RNF17: variants seen among roughly 807,000 people sequenced by gnomAD.
RNF17 encodes the protein ring finger protein 17, also known as spermatogenesis associated 23.
In RNF17, 31 loss-of-function variants were observed where a neutral mutation model predicts 200.5. The observed-to-expected ratio is 0.15, with a 90% CI of 0.12 to 0.21. The LOEUF (loss-of-function observed/expected upper bound fraction) is 0.21, where lower values mean the gene tolerates loss of function less well. Among genes scored for constraint, RNF17 ranks in the 10% least tolerant of loss-of-function variants. RNF17 has a pLI of 1.00. For synonymous variants in RNF17, 606 were observed against 637.8 expected (o/e 0.95, Z 0.75); for missense variants, 1,628 against 1,905.1 (o/e 0.85, Z 2.71).
downstream of RNF17, chr13:24,882,872 TGG>T: frequency 2.8e-5 from 10 of 362,264 alleles, no homozygotes; most frequent in Non-Finnish European, 4.1e-5. Flanking sequence ...CTGTACTTCT[TGG>T]TTTTTTTTTA....
intron 2 of RNF17, among the ~76,000 whole-genome samples, chr13:24,769,769 C>T (rs748756758): frequency 6.6e-6 from 1 of 152,140 alleles, no homozygotes; most frequent in Admixed American, 6.6e-5. Flanking sequence ...CTAGGTAATG[C>T]TGTTTACTTC....
chr13:24,790,313 G>GTA (rs1883685737), intron 9 of RNF17, among the ~76,000 whole-genome samples: 1 of 152,116 alleles, frequency 6.6e-6, no homozygotes, highest in Non-Finnish European at 1.5e-5. Flanking sequence ...AGGGAATGGT[G>GTA]TATATAATTC....
At chr13:24,799,223 A>G (rs998414170) in intron 11 of RNF17, among the ~76,000 whole-genome samples, 172 bp from the exon 12 acceptor site, 1 of 152,132 alleles carries the variant, frequency 6.6e-6, no homozygotes, top group African/African-American at 2.4e-5. Context: ...TGTATAACAA[A>G]CTATCATAAT....
chr13:24,794,785 C>G (rs111688781), intron 10 of RNF17, among the ~76,000 whole-genome samples: 1 of 152,128 alleles, frequency 6.6e-6, no homozygotes, highest in East Asian at 1.9e-4. Flanking sequence ...TGCAGTGGCG[C>G]GATCCTGGCT....
intron 19 of RNF17, among the ~76,000 whole-genome samples, 189 bp from the exon 20 acceptor site, chr13:24,843,551 CCTTT>C (rs1204560045): frequency 1.1e-4 from 16 of 151,970 alleles, no homozygotes; most frequent in African/African-American, 3.6e-4. Context: ...TGAATCTTCT[CCTTT>C]CTTTTTAAAG....
At position 24,789,265 on chromosome 13, in the gene RNF17, TAC is replaced by T. The variant is rs530662444; in HGVS notation, c.784-81_784-80del. The T allele has an allele frequency of 1.7e-3, 1,544 of 913,590 alleles. 1 individual carries two copies. The highest frequency in any genetic ancestry group is 2.5e-3 in the Non-Finnish European group (1,404 of 566,124). The allele number at this position is 913,590 out of a possible 1,614,324, so 56.6% of individuals were successfully genotyped here. ...AATAATTAATGAAATACCTAAAAGA[TAC>T]AGTTTTCTTTCTAAAATCTTACTGT... On this transcript the variant is annotated intron_variant, in intron 7 of 35. Coordinates refer to ENST00000255324, the MANE Select transcript of RNF17 (RefSeq NM_031277.3).
At chr13:24,868,830 T>A in intron 31 of RNF17, 114 bp downstream of exon 31, 1 of 685,672 alleles carries the variant, frequency 1.5e-6, no homozygotes, top group Non-Finnish European at 2.6e-6. Flanking sequence ...TGTTGCAAAT[T>A]CGTGAACTCT....
At chr13:24,822,836 CAG>C (rs1241745421) in intron 15 of RNF17, among the ~76,000 whole-genome samples, 3 of 152,180 alleles carry the variant, frequency 2.0e-5, no homozygotes, top group African/African-American at 7.2e-5. Flanking sequence ...TGATATCAGT[CAG>C]TACCTGCAAG....
At chr13:24,858,028 C>T (rs1270735268) in intron 25 of RNF17, among the ~76,000 whole-genome samples, 1 of 145,012 alleles carries the variant, frequency 6.9e-6, no homozygotes, top group Non-Finnish European at 1.5e-5. Flanking sequence ...GGCTTATGTG[C>T]AAATGCTGCA....
At chr13:24,819,052 C>CA (rs1168596665) in intron 15 of RNF17, among the ~76,000 whole-genome samples, 1 of 152,004 alleles carries the variant, frequency 6.6e-6, no homozygotes, top group Non-Finnish European at 1.5e-5. Flanking sequence ...TTAAAAAACA[C>CA]ACAGAATTTA....
At chr13:24,882,843 C>T, downstream of RNF17, 1 of 333,732 alleles carries the variant, frequency 3.0e-6, no homozygotes, top group Non-Finnish European at 5.7e-6. Flanking sequence ...GTCTGTGGGA[C>T]ATCTAGGTGA....
chr13:24,831,526 T>A (rs899489194), intron 17 of RNF17, among the ~76,000 whole-genome samples: 3 of 152,236 alleles, frequency 2.0e-5, no homozygotes, highest in African/African-American at 4.8e-5. Context: ...CAGATACATC[T>A]TCTGTGCTTT....
At chr13:24,788,963 T>G (rs559611417) in intron 7 of RNF17, among the ~76,000 whole-genome samples, 2 of 152,160 alleles carry the variant, frequency 1.3e-5, no homozygotes, top group Non-Finnish European at 2.9e-5. Flanking sequence ...AAAACAATAA[T>G]AGTTGTTTCC....
intron 30 of RNF17, among the ~76,000 whole-genome samples, chr13:24,868,142 G>A (rs1893835904): frequency 6.6e-6 from 1 of 152,178 alleles, no homozygotes; most frequent in Admixed American, 6.5e-5. Context: ...TGGTCCTACT[G>A]TAACAAAATC....
At chr13:24,773,065 G>A (rs1462227927) in intron 2 of RNF17, among the ~76,000 whole-genome samples, 5 of 152,184 alleles carry the variant, frequency 3.3e-5, no homozygotes, top group South Asian at 2.1e-4. Flanking sequence ...AACAGATGTT[G>A]TCAAGGTTGT....
chr13:24,883,487 G>A, downstream of RNF17: 1 of 739,072 alleles, frequency 1.4e-6, no homozygotes, highest in Non-Finnish European at 2.2e-6. Context: ...GACATCCCTT[G>A]GTTATCCCTA....
intron 24 of RNF17, among the ~76,000 whole-genome samples, chr13:24,851,941 G>T (rs1173446536): frequency 2.0e-5 from 3 of 151,940 alleles, no homozygotes; most frequent in African/African-American, 4.8e-5. Flanking sequence ...ATTCTGGTAG[G>T]TATATACCTA....
chr13:24,879,172 A>G lies in RNF17; in HGVS notation c.4774-15A>G. The G allele has an allele frequency of 6.3e-7, 1 of 1,592,172 alleles. No homozygotes were observed. Among genetic ancestry groups the G allele is most frequent in the Non-Finnish European group, 8.6e-7 (1 of 1,160,148 alleles). ...ACATTACTGTTTTCTTGACAACTGT[A>G]TCTTTTAATTTTAGGCTCCAGCACC... On this transcript the variant is annotated splice_polypyrimidine_tract_variant and intron_variant, in intron 34 of 35. Transcript: ENST00000255324.
intron 32 of RNF17, among the ~76,000 whole-genome samples, chr13:24,872,333 C>T (rs1894381622): frequency 6.6e-6 from 1 of 152,082 alleles, no homozygotes; most frequent in Admixed American, 6.6e-5. Flanking sequence ...AATCTTTATT[C>T]ATTAGTCAAG....
Sources: gnomAD v4.1 joint callset for allele counts (sites outside exome capture counted in the v4.1 genomes callset) on GRCh38, gnomAD v4.1.1 for gene constraint, MANE v1.5 for transcripts, NCBI Gene and HGNC (gene_info 2026-07-23, HGNC 2026-07-21) for gene names.